Variants in CHST8 observed in about 807,000 individuals in gnomAD.
CHST8 encodes carbohydrate sulfotransferase 8, also known as GALNAC-4-ST1.
CHST8 carries 10 observed loss-of-function variants against 15.0 expected under a neutral mutation model. The ratio of observed to expected loss-of-function variants is 0.67; its 90% CI spans 0.41 to 1.13. CHST8 has a LOEUF of 1.13. CHST8 is among the 50% of genes most tolerant of loss of function. The pLI is 0.00. For missense variants in CHST8, 634 were observed against 608.2 expected, an observed-to-expected ratio of 1.04 and a Z score of -0.45; for synonymous variants, 259 against 256.6, an observed-to-expected ratio of 1.01 and a Z score of -0.09.
chr19:33,762,925 G>A (rs1312490188), intron 3 of CHST8, among the ~76,000 whole-genome samples: 1 of 150,446 alleles, frequency 6.6e-6, no homozygotes, highest in African/African-American at 2.5e-5. Context: ...GCAGTGGCAC[G>A]ATCTCAGCTC....
chr19:33,670,701 AC>A (rs1301110557), intron 2 of CHST8, among the ~76,000 whole-genome samples: 3 of 152,172 alleles, frequency 2.0e-5, no homozygotes, highest in African/African-American at 7.2e-5. Context: ...AGAAGCTTCC[AC>A]TGCTCCCCTT....
intron 3 of CHST8, among the ~76,000 whole-genome samples, chr19:33,761,937 A>G (rs1188693319): frequency 1.3e-5 from 2 of 152,156 alleles, no homozygotes; most frequent in African/African-American, 4.8e-5. Flanking sequence ...GGACTCCTAG[A>G]AACCACACAG....
chr19:33,660,941 G>C (rs76016216), intron 1 of CHST8, among the ~76,000 whole-genome samples: 2 of 152,274 alleles, frequency 1.3e-5, no homozygotes, highest in East Asian at 3.9e-4. Context: ...CTAGGCCCCA[G>C]TTTTGGGGCC....
At chr19:33,670,556 A>C (rs965675173) in intron 2 of CHST8, among the ~76,000 whole-genome samples, 1 of 152,218 alleles carries the variant, frequency 6.6e-6, no homozygotes, top group Non-Finnish European at 1.5e-5. Flanking sequence ...CATGGTGCCA[A>C]GATCGGCTGC....
In CHST8 at chr19:33,677,071, C is replaced by T. The variant is rs113627249; in HGVS notation, c.-87+9228C>T. On this transcript the variant is annotated intron_variant, in intron 2 of 4. Transcript: ENST00000650847. The stretch of plus-strand genomic sequence containing the variant: ...AGACCAATGACTGACATTTTGAGTC[C>T]CACTATAAAAACGCCTGTCTTCATT... Among the ~76,000 whole-genome samples the T allele has an allele frequency of 7.9e-5, 12 of 152,146 alleles. 1 individual carries two copies. Among genetic ancestry groups the T allele is most frequent in the African/African-American group, 2.9e-4 (12 of 41,504 alleles).
chr19:33,770,371 C>A (rs773889289), intron 3 of CHST8, among the ~76,000 whole-genome samples: 8 of 152,200 alleles, frequency 5.3e-5, no homozygotes, highest in Non-Finnish European at 1.2e-4. Flanking sequence ...TGATGGTGAC[C>A]ATGGCTTTTG....
At chr19:33,696,745 C>G (rs894351934) in intron 3 of CHST8, among the ~76,000 whole-genome samples, 2 of 152,060 alleles carry the variant, frequency 1.3e-5, no homozygotes, top group Admixed American at 6.5e-5. Flanking sequence ...GGAATCTCCA[C>G]ACTGTTTCCC....
chr19:33,733,232 C>CTTTTTTT (rs34651897), intron 3 of CHST8, among the ~76,000 whole-genome samples: 4 of 125,634 alleles, frequency 3.2e-5, no homozygotes, highest in Non-Finnish European at 3.3e-5. Context: ...CAGATATATT[C>CTTTTTTT]TTTTTTTTTT....
chr19:33,734,422 C>A (rs907118768), intron 3 of CHST8, among the ~76,000 whole-genome samples: 3 of 152,196 alleles, frequency 2.0e-5, no homozygotes, highest in Non-Finnish European at 4.4e-5. Context: ...TATGAACTCA[C>A]CCTGAATTAT....
chr19:33,757,395 AAAG>A (rs1436986871), intron 3 of CHST8, among the ~76,000 whole-genome samples: 1 of 4,994 alleles, frequency 2.0e-4, no homozygotes, highest in Non-Finnish European at 4.8e-4. Context: ...AAGAAGAAAG[AAAG>A]AAAGAAAGAA....
intron 3 of CHST8, among the ~76,000 whole-genome samples, chr19:33,704,450 G>A (rs1185430233): frequency 6.6e-6 from 1 of 152,174 alleles, no homozygotes; most frequent in African/African-American, 2.4e-5. Flanking sequence ...CACAGGGAGC[G>A]GGAGACCACA....
chr19:33,729,499 C>A (rs1208199500), intron 3 of CHST8, among the ~76,000 whole-genome samples: 1 of 152,228 alleles, frequency 6.6e-6, no homozygotes, highest in Non-Finnish European at 1.5e-5. Flanking sequence ...TAGACGCTAG[C>A]CTCCAAGTCC....
intron 1 of CHST8, among the ~76,000 whole-genome samples, chr19:33,659,075 T>TTG (rs1459540475): frequency 7.0e-6 from 1 of 141,878 alleles, no homozygotes; most frequent in Non-Finnish European, 1.5e-5. Flanking sequence ...TTTTTTTTTT[T>TTG]TTTTTTTGAG....
intron 3 of CHST8, among the ~76,000 whole-genome samples, chr19:33,739,855 G>C (rs1470578659): frequency 6.6e-6 from 1 of 152,176 alleles, no homozygotes; most frequent in Non-Finnish European, 1.5e-5. Flanking sequence ...GATGAGGTCT[G>C]CTGAAAAGGA....
intron 3 of CHST8, among the ~76,000 whole-genome samples, chr19:33,759,151 T>G (rs1974666173): frequency 2.0e-5 from 3 of 150,674 alleles, no homozygotes; most frequent in Admixed American, 1.3e-4. Flanking sequence ...CCCCCAACAC[T>G]GGGGATCACA....
intron 1 of CHST8, among the ~76,000 whole-genome samples, chr19:33,661,590 C>T (rs528430019): frequency 2.6e-5 from 4 of 152,316 alleles, no homozygotes; most frequent in African/African-American, 9.6e-5. Flanking sequence ...AGGGGTGATG[C>T]CCACTGCCTC....
At chr19:33,635,395 AC>A (rs2145440484) in intron 1 of CHST8, among the ~76,000 whole-genome samples, 1 of 152,268 alleles carries the variant, frequency 6.6e-6, no homozygotes, top group South Asian at 2.1e-4. Context: ...AGTCACTGCC[AC>A]AAGAGGAGGG....
At chr19:33,677,970 G>T (rs1358837739) in intron 2 of CHST8, among the ~76,000 whole-genome samples, 1 of 152,208 alleles carries the variant, frequency 6.6e-6, no homozygotes, top group African/African-American at 2.4e-5. Context: ...TGCAGGACAG[G>T]TGTTGAGATG....
At chr19:33,739,659 G>A (rs1388938434) in intron 3 of CHST8, among the ~76,000 whole-genome samples, 1 of 152,200 alleles carries the variant, frequency 6.6e-6, no homozygotes, top group Non-Finnish European at 1.5e-5. Flanking sequence ...TGGAATTCAA[G>A]GTTCCTTCCA....
Sources: allele counts gnomAD v4.1 joint callset (sites outside exome capture counted in the v4.1 genomes callset), GRCh38; gene constraint gnomAD v4.1.1; transcripts MANE v1.5; gene names NCBI Gene and HGNC (gene_info 2026-07-23, HGNC 2026-07-21).